IPCEF1: variants seen among roughly 807,000 people sequenced by gnomAD.
IPCEF1 encodes interaction protein for cytohesin exchange factors 1.
IPCEF1 carries 31 observed loss-of-function variants against 50.9 expected under a neutral mutation model. That is an observed-to-expected ratio of 0.61 (90% confidence interval 0.46 to 0.82). The LOEUF (loss-of-function observed/expected upper bound fraction) is 0.82, where lower values mean the gene tolerates loss of function less well. Among genes scored for constraint, IPCEF1 ranks in the 40% least tolerant of loss-of-function variants. The pLI, the probability that IPCEF1 is intolerant of heterozygous loss-of-function variation, is 0.00. For synonymous variants in IPCEF1, 181 were observed against 192.0 expected (o/e 0.94, Z 0.47); for missense variants, 458 against 514.0 (o/e 0.89, Z 1.05).
At chr6:154,298,756 G>A (rs529330330) in intron 1 of IPCEF1, among the ~76,000 whole-genome samples, 7 of 152,250 alleles carry the variant, frequency 4.6e-5, no homozygotes, top group African/African-American at 1.7e-4. Flanking sequence ...CTGAGGTCAG[G>A]AGATTGAGAC....
chr6:154,260,802 A>G (rs1270436484), intron 3 of IPCEF1, among the ~76,000 whole-genome samples: 1 of 152,088 alleles, frequency 6.6e-6, no homozygotes, highest in Non-Finnish European at 1.5e-5. Flanking sequence ...AGCCTTGAAG[A>G]TTCATATATG....
chr6:154,334,525 C>T (rs992988447), intron 1 of IPCEF1, among the ~76,000 whole-genome samples: 4 of 152,168 alleles, frequency 2.6e-5, no homozygotes, highest in Admixed American at 1.3e-4. Flanking sequence ...GGATACATGC[C>T]CCATGGGATG....
Position 154,326,029 on chromosome 6 carries a change from C to A in IPCEF1, c.-62+30643G>T, listed in dbSNP as rs1319053700. ...TCCCTTGAGCTCTGGAGTTCAAGAC[C>A]AGCCTGGACAACATGGCAAAACCCC... On this transcript the variant is annotated intron_variant, in intron 1 of 11. Transcript: ENST00000367220. Among the ~76,000 whole-genome samples the A allele has an allele frequency of 2.0e-5, 3 of 151,978 alleles. No individual in the cohort carries two copies. In the South Asian group the frequency reaches 6.2e-4, roughly 31 times the overall value.
chr6:154,281,889 A>G (rs2128664364), intron 2 of IPCEF1, among the ~76,000 whole-genome samples: 1 of 152,310 alleles, frequency 6.6e-6, no homozygotes, highest in South Asian at 2.1e-4. Flanking sequence ...CTGTAATCCC[A>G]GCTACGTGGG....
At chr6:154,266,194 C>T (rs946682068) in intron 2 of IPCEF1, among the ~76,000 whole-genome samples, 4 of 151,960 alleles carry the variant, frequency 2.6e-5, no homozygotes, top group South Asian at 2.1e-4. Flanking sequence ...CAAGACCAGC[C>T]TGAACAACAT....
intron 1 of IPCEF1, among the ~76,000 whole-genome samples, chr6:154,341,004 T>A (rs1783904399): frequency 6.6e-6 from 1 of 151,990 alleles, no homozygotes; most frequent in African/African-American, 2.4e-5. Context: ...AGTACATTGG[T>A]TAGGTCCAAA....
Position 154,159,642 on chromosome 6 carries a change from T to TA in IPCEF1, c.*185dup. 1.7e-6 allele frequency: 1 copy of TA among 602,870 alleles called. No homozygotes were observed. The highest frequency in any genetic ancestry group is 2.9e-6 in the Non-Finnish European group (1 of 346,044). 37.3% of individuals were successfully genotyped at this position (602,870 alleles called of 1,614,324 possible). A position where few individuals can be genotyped will look rare whatever the true frequency, so the allele number is the denominator to read the frequency against. On this transcript the variant is annotated 3_prime_UTR_variant, in exon 12 of 12. Coordinates refer to ENST00000367220, the MANE Select transcript of IPCEF1 (RefSeq NM_001130700.2). Reference sequence around the variant, plus strand: ...ATCATTCCAATCTCAATGGATGCGTTACGACTGAAATGAGGAGCCCTGGTG... The same window carrying TA: ...ATCATTCCAATCTCAATGGATGCGTTAACGACTGAAATGAGGAGCCCTGGTG...
chr6:154,269,951 T>C lies in IPCEF1; in HGVS notation c.-17-3987A>G, dbSNP rs190141231. Among the ~76,000 whole-genome samples, 4 of 152,288 alleles carry C rather than the reference T, an allele frequency of 2.6e-5. 1 individual carries two copies. Among genetic ancestry groups the C allele is most frequent in the Admixed American group, 2.6e-4 (4 of 15,282 alleles). ...CAAGGTTTTGATGAAAATATATACA[T>C]ATAAAGTACACAATAAAAGCAGCTT... On this transcript the variant is annotated intron_variant, in intron 2 of 11. Coordinates refer to ENST00000367220, the MANE Select transcript of IPCEF1 (RefSeq NM_001130700.2).
chr6:154,332,001 C>T (rs910561105), intron 1 of IPCEF1, among the ~76,000 whole-genome samples: 1 of 152,154 alleles, frequency 6.6e-6, no homozygotes, highest in Non-Finnish European at 1.5e-5. Flanking sequence ...TTTTAATAAA[C>T]TTTCACTCCT....
intron 10 of IPCEF1, among the ~76,000 whole-genome samples, chr6:154,178,690 CA>C: frequency 6.6e-6 from 1 of 152,188 alleles, no homozygotes; most frequent in Admixed American, 6.5e-5. Flanking sequence ...TCAAAAAAAC[CA>C]ATATCTTCAA....
chr6:154,193,760 C>A (rs1802141409), intron 10 of IPCEF1, among the ~76,000 whole-genome samples: 1 of 152,232 alleles, frequency 6.6e-6, no homozygotes, highest in African/African-American at 2.4e-5. Context: ...GGAGGAGAGG[C>A]CTGTGACAGG....
intron 3 of IPCEF1, among the ~76,000 whole-genome samples, chr6:154,247,915 T>C (rs1278559822): frequency 6.6e-6 from 1 of 152,222 alleles, no homozygotes; most frequent in Non-Finnish European, 1.5e-5. Flanking sequence ...AGATAATTGT[T>C]ACAATCTCAA....
chr6:154,259,627 G>A (rs1041724357), intron 3 of IPCEF1, among the ~76,000 whole-genome samples: 3 of 151,988 alleles, frequency 2.0e-5, no homozygotes, highest in African/African-American at 7.3e-5. Context: ...ACTCCAGCCT[G>A]GGCAATAAGA....
intron 4 of IPCEF1, 42 bp downstream of exon 4, chr6:154,247,407 G>C (rs759012350): frequency 1.3e-6 from 2 of 1,550,926 alleles, no homozygotes; most frequent in Non-Finnish European, 1.8e-6. Context: ...CACACTCAAC[G>C]TACACAAAAT....
intron 1 of IPCEF1, among the ~76,000 whole-genome samples, chr6:154,356,153 A>G (rs914760375): frequency 6.6e-6 from 1 of 152,120 alleles, no homozygotes; most frequent in African/African-American, 2.4e-5. Context: ...AGTGCCCCAG[A>G]CACCCTTACT....
intron 2 of IPCEF1, among the ~76,000 whole-genome samples, chr6:154,283,530 G>A (rs1782282132): frequency 1.3e-5 from 2 of 152,000 alleles, no homozygotes; most frequent in South Asian, 4.2e-4. Flanking sequence ...CCTGGGAGGT[G>A]GAGCTTGCAG....
Position 154,300,370 on chromosome 6 carries a change from A to G in IPCEF1, c.-61-10614T>C, listed in dbSNP as rs564225078. Among the ~76,000 whole-genome samples the G allele has an allele frequency of 2.7e-3, 254 of 95,710 alleles. 47 individuals are homozygous for G. Among genetic ancestry groups the G allele is most frequent in the Middle Eastern group, 4.6e-3 (1 of 216 alleles). The allele number at this position is 95,710 out of a possible 152,430, so 62.8% of individuals were successfully genotyped here. On this transcript the variant is annotated intron_variant, in intron 1 of 11. Transcript: ENST00000367220. ...CTCATGCCTGTAATCTCAGAATTTT[A>G]GGAAGCTGAGGCAGGAGGATCGCTT...
chr6:154,321,185 C>A (rs1198884965), intron 1 of IPCEF1, among the ~76,000 whole-genome samples: 1 of 152,104 alleles, frequency 6.6e-6, no homozygotes, highest in Non-Finnish European at 1.5e-5. Flanking sequence ...CCCATCTCAA[C>A]CTCCCAAAGT....
At chr6:154,205,301 T>C (rs1346086405) in intron 9 of IPCEF1, among the ~76,000 whole-genome samples, 17 of 152,172 alleles carry the variant, frequency 1.1e-4, no homozygotes, top group Non-Finnish European at 2.4e-4. Context: ...AAAACAGCTT[T>C]ATTAAAACAT....
Sources: gnomAD v4.1 joint callset for allele counts (sites outside exome capture counted in the v4.1 genomes callset) on GRCh38, gnomAD v4.1.1 for gene constraint, MANE v1.5 for transcripts, NCBI Gene and HGNC (gene_info 2026-07-23, HGNC 2026-07-21) for gene names.